The following PDE1C variants were observed in gnomAD, a reference collection of about 807,000 sequenced individuals.
The protein encoded by PDE1C is phosphodiesterase 1C, also known as dual specificity calcium/calmodulin-dependent 3',5'-cyclic nucleotide phosphodiesterase 1C.
A neutral mutation model predicts 93.1 loss-of-function variants in PDE1C; 62 were observed. The ratio of observed to expected loss-of-function variants is 0.67; its 90% confidence interval spans 0.54 to 0.82. PDE1C has a LOEUF of 0.82. Ranked by LOEUF, PDE1C falls within the 40% of genes least tolerant of loss-of-function variation. The pLI is 0.00. For synonymous variants in PDE1C, 325 were observed against 310.1 expected, an observed-to-expected ratio of 1.05 and a Z score of -0.50; for missense variants, 742 against 884.6, an observed-to-expected ratio of 0.84 and a Z score of 2.04.
At chr7:32,012,314 CA>C (rs1199485479) in intron 2 of PDE1C, among the ~76,000 whole-genome samples, 1 of 152,072 alleles carries the variant, frequency 6.6e-6, no homozygotes, top group East Asian at 1.9e-4. Context: ...GAGCCAGAGT[CA>C]GGGGTGGAGA....
At chr7:32,053,144 G>C (rs1429325298) in intron 1 of PDE1C, among the ~76,000 whole-genome samples, 1 of 152,120 alleles carries the variant, frequency 6.6e-6, no homozygotes, top group Non-Finnish European at 1.5e-5. Context: ...TACAATGCTG[G>C]ACTAGTTATT....
At chr7:32,366,698 T>A (rs1562692630) in intron 1 of PDE1C, among the ~76,000 whole-genome samples, 1 of 152,012 alleles carries the variant, frequency 6.6e-6, no homozygotes, top group East Asian at 1.9e-4. Flanking sequence ...ATAAGGGAAT[T>A]CCCATTAGTC....
intron 2 of PDE1C, among the ~76,000 whole-genome samples, chr7:31,945,000 G>A (rs563103298): frequency 6.6e-6 from 1 of 152,044 alleles, no homozygotes; most frequent in Non-Finnish European, 1.5e-5. Context: ...TTTAACTAGG[G>A]ATTTTATATA....
intron 1 of PDE1C, among the ~76,000 whole-genome samples, chr7:32,338,811 G>T (rs1387403547): frequency 6.6e-6 from 1 of 152,088 alleles, no homozygotes; most frequent in Non-Finnish European, 1.5e-5. Flanking sequence ...AGACCATCCT[G>T]GCTAACACGG....
chr7:31,785,691 C>T (rs970979961), intron 16 of PDE1C: 7 of 152,098 alleles, frequency 4.6e-5, no homozygotes, highest in Non-Finnish European at 5.9e-5. Flanking sequence ...TCTTTAGAGG[C>T]CTGCTTCCCA....
the PDE1C span, chr7:31,695,898 G>T: frequency 4.0e-6 from 1 of 251,758 alleles, no homozygotes; most frequent in Non-Finnish European, 7.5e-6. Context: ...AGTCATTCAG[G>T]GACCCGGTCT....
intron 16 of PDE1C, chr7:31,784,604 A>G (rs1447596694): frequency 6.6e-6 from 1 of 152,116 alleles, no homozygotes; most frequent in Non-Finnish European, 1.5e-5. Flanking sequence ...TGAAGGGTAG[A>G]AAAATGGGAG....
intron 6 of PDE1C, among the ~76,000 whole-genome samples, chr7:31,871,439 G>A (rs1795941995): frequency 6.6e-6 from 1 of 151,986 alleles, no homozygotes; most frequent in Non-Finnish European, 1.5e-5. Flanking sequence ...CTGTTAAACA[G>A]GAGAAATATC....
chr7:31,712,403 A>C, the PDE1C span, among the ~76,000 whole-genome samples: 1 of 152,236 alleles, frequency 6.6e-6, no homozygotes, highest in Non-Finnish European at 1.5e-5. Context: ...AATAGACTAG[A>C]TAGTCGCTAT....
At chr7:31,620,029 C>A in the PDE1C span, among the ~76,000 whole-genome samples, 6 of 152,298 alleles carry the variant, frequency 3.9e-5, no homozygotes, top group East Asian at 9.7e-4. Context: ...TGAGATCAAA[C>A]TGCAAGGTGG....
chr7:31,908,774 T>A (rs1800891898), intron 2 of PDE1C, among the ~76,000 whole-genome samples: 1 of 152,162 alleles, frequency 6.6e-6, no homozygotes, highest in African/African-American at 2.4e-5. Context: ...AGGTTATATG[T>A]CCACTTGGCT....
chr7:32,133,592 T>A (rs960293044), intron 3 of PDE1C, among the ~76,000 whole-genome samples: 3 of 152,130 alleles, frequency 2.0e-5, no homozygotes, highest in Non-Finnish European at 4.4e-5. Flanking sequence ...CAGCTCTGTC[T>A]TAAAGTACTA....
At chr7:32,288,880 G>T (rs1046751334) in intron 1 of PDE1C, among the ~76,000 whole-genome samples, 2 of 152,306 alleles carry the variant, frequency 1.3e-5, no homozygotes, top group South Asian at 4.1e-4. Flanking sequence ...GGGCTGGAGG[G>T]TTCCCCTATT....
chr7:32,254,179 G>T (rs1177182601), intron 1 of PDE1C, among the ~76,000 whole-genome samples: 1 of 152,198 alleles, frequency 6.6e-6, no homozygotes, highest in Non-Finnish European at 1.5e-5. Context: ...ATTGTTGCAG[G>T]TGAAAGAGAA....
chr7:32,405,958 A>G (rs1329509096), intron 1 of PDE1C, among the ~76,000 whole-genome samples: 1 of 152,174 alleles, frequency 6.6e-6, no homozygotes, highest in Non-Finnish European at 1.5e-5. Flanking sequence ...TTAGAGCAAT[A>G]AGTGATTGTG....
intron 1 of PDE1C, among the ~76,000 whole-genome samples, chr7:32,395,932 A>G (rs893782434): frequency 1.3e-5 from 2 of 152,196 alleles, no homozygotes; most frequent in Non-Finnish European, 2.9e-5. Flanking sequence ...CAGGAAAAAC[A>G]TATTTTCTTT....
intron 1 of PDE1C, among the ~76,000 whole-genome samples, chr7:32,358,025 G>A (rs1025432998): frequency 1.3e-5 from 2 of 151,900 alleles, no homozygotes; most frequent in Non-Finnish European, 2.9e-5. Context: ...GAGGCCTGCT[G>A]ACCTTATGCT....
At chr7:31,806,436 C>T (rs1014725190) in intron 16 of PDE1C, among the ~76,000 whole-genome samples, 3 of 151,880 alleles carry the variant, frequency 2.0e-5, no homozygotes, top group Non-Finnish European at 4.4e-5. Context: ...GGCTCAGAGA[C>T]CTGGATCTTT....
chr7:32,161,164 G>A (rs746573397), intron 3 of PDE1C, among the ~76,000 whole-genome samples: 12 of 152,144 alleles, frequency 7.9e-5, no homozygotes, highest in South Asian at 2.1e-4. Flanking sequence ...GATATACCAG[G>A]CAATCCAGGC....
Sources: allele counts gnomAD v4.1 joint callset (sites outside exome capture counted in the v4.1 genomes callset), GRCh38; gene constraint gnomAD v4.1.1; transcripts MANE v1.5; gene names NCBI Gene and HGNC (gene_info 2026-07-23, HGNC 2026-07-21).